PDCD11: variants seen among roughly 807,000 people sequenced by gnomAD.
The protein encoded by PDCD11 is protein RRP5 homolog.
In PDCD11, 97 loss-of-function variants were observed where a neutral mutation model predicts 198.9. That is an observed-to-expected ratio of 0.49 (90% CI 0.41 to 0.58). The LOEUF (loss-of-function observed/expected upper bound fraction) is 0.58. PDCD11 is among the 20% of genes least tolerant of loss of function. The probability of loss-of-function intolerance (pLI) is 0.00; values close to 1 mark genes in which losing one functional copy is unlikely to be tolerated. For synonymous variants in PDCD11, 893 were observed against 918.0 expected, an observed-to-expected ratio of 0.97 and a Z score of 0.49; for missense variants, 2,102 against 2,312.7, an observed-to-expected ratio of 0.91 and a Z score of 1.87.
intron 15 of PDCD11, 108 bp from the exon 16 acceptor site, chr10:103,419,430 C>T: frequency 6.7e-6 from 8 of 1,202,830 alleles, no homozygotes; most frequent in Non-Finnish European, 9.4e-6. Context: ...ATCGCTGTAG[C>T]AGCAGAGATC....
chr10:103,417,947 C>G lies in PDCD11; in HGVS notation c.1911+15C>G. ...ACATTGGGCAGGTACGTGGACTTCT[C>G]TGGACAAGCTATTTTATGTTACAGT... is the stretch of plus-strand genomic sequence containing the variant. On this transcript the variant is annotated intron_variant, in intron 14 of 35. Transcript: ENST00000369797. The G allele has an allele frequency of 6.2e-7, 1 of 1,613,446 alleles. No individual in the cohort carries two copies.
At chr10:103,440,980 G>C in intron 30 of PDCD11, 130 bp downstream of exon 30, 1 of 639,396 alleles carries the variant, frequency 1.6e-6, no homozygotes, top group Non-Finnish European at 2.7e-6. Flanking sequence ...TGCCTCCATT[G>C]ACCGTCAGCT....
At position 103,434,735 on chromosome 10, in the gene PDCD11, G is replaced by A. The variant is rs1394006282; in HGVS notation, c.3668-63G>A. On this transcript the variant is annotated intron_variant, in intron 24 of 35. Coordinates refer to ENST00000369797, the MANE Select transcript of PDCD11 (RefSeq NM_014976.2). ...CACCTTCCCCAGCCTGTGTGTGGCT[G>A]GCATTCCCGCTCCTCCCTTAGCTCA... 1.5e-5 allele frequency: 21 copies of A among 1,407,092 alleles called. 1 individual carries two copies. Among genetic ancestry groups the A allele is most frequent in the Non-Finnish European group, 1.7e-5 (18 of 1,031,068 alleles). The allele number at this position is 1,407,092 out of a possible 1,614,324, so 87.2% of individuals were successfully genotyped here.
At chr10:103,429,802 C>T (rs1470012858) in intron 21 of PDCD11, among the ~76,000 whole-genome samples, 2 of 152,194 alleles carry the variant, frequency 1.3e-5, no homozygotes, top group East Asian at 3.9e-4. Flanking sequence ...TCTGCTTCTC[C>T]CTCTCTTCCG....
At position 103,415,285 on chromosome 10, in the gene PDCD11, G is replaced by A. The variant is rs115428071; in HGVS notation, c.1518+134G>A. 6.8e-4 allele frequency: 580 copies of A among 855,908 alleles called. 2 individuals carry two copies. In the African/African-American group the frequency reaches 9.1e-3, roughly 13 times the overall value. 53.0% of individuals were successfully genotyped at this position (855,908 alleles called of 1,614,324 possible). Reference sequence around the variant, plus strand: ...TGTCTTGTGCTGTACCTGGCATTGGGAAGAGAAAAGTGAGTCCCCGTTTTG... The same window carrying A: ...TGTCTTGTGCTGTACCTGGCATTGGAAAGAGAAAAGTGAGTCCCCGTTTTG... On this transcript the variant is annotated intron_variant, in intron 12 of 35. Coordinates refer to ENST00000369797, the MANE Select transcript of PDCD11 (RefSeq NM_014976.2).
intron 21 of PDCD11, 71 bp downstream of exon 21, chr10:103,427,462 G>A (rs192797997): frequency 9.6e-6 from 12 of 1,250,292 alleles, no homozygotes; most frequent in East Asian, 4.8e-5. Flanking sequence ...TCCCGAATTC[G>A]AATCTTGATT....
At chr10:103,418,720 A>G (rs1003977048) in intron 15 of PDCD11, 86 bp downstream of exon 15, 9 of 1,107,354 alleles carry the variant, frequency 8.1e-6, no homozygotes, top group Non-Finnish European at 1.2e-5. Flanking sequence ...TTAGACAGCT[A>G]TTTGACCTCA....
intron 12 of PDCD11, among the ~76,000 whole-genome samples, chr10:103,416,069 A>G (rs899966805): frequency 1.3e-5 from 2 of 152,204 alleles, no homozygotes; most frequent in African/African-American, 4.8e-5. Context: ...TGAAGGGGTG[A>G]AAGACAGTTG....
rs752954930 is a variant in PDCD11, at chr10:103,423,562, G to A, written c.2667G>A (p.Gly889=). The part of the protein sequence containing the change: ...YHRAGQEVES[G]QKKKVVILNV... ...CTGCAGGGCAGGAGGTGGAATCTGG[G>A]CAGAAAAAGAAGGTTGTTATCTTAA... Residue 889 remains glycine, a synonymous_variant, in exon 19 of 36, where the codon GGG becomes GGA. Coordinates refer to ENST00000369797, the MANE Select transcript of PDCD11 (RefSeq NM_014976.2). 6 of 1,613,704 alleles carry A rather than the reference G, an allele frequency of 3.7e-6. No homozygotes were observed. Among genetic ancestry groups the A allele is most frequent in the South Asian group, 1.1e-5 (1 of 91,066 alleles).
chr10:103,400,540 T>A lies in PDCD11; in HGVS notation c.234+12T>A, dbSNP rs1348878739. 1.9e-6 allele frequency: 3 copies of A among 1,606,462 alleles called. No homozygotes were observed. Among genetic ancestry groups the A allele is most frequent in the Non-Finnish European group, 2.5e-6 (3 of 1,177,216 alleles). On this transcript the variant is annotated intron_variant, in intron 3 of 35. Coordinates refer to ENST00000369797, the MANE Select transcript of PDCD11 (RefSeq NM_014976.2). ...TCCTTAGTGTTGAGGTTTGTTAAAG[T>A]TGGTTTTCATTTAAACAATCGACCT...
rs746798532 is a variant in PDCD11 at position 103,442,353 on chromosome 10, C to T, written c.4848C>T (p.Pro1616=). 1.2e-6 allele frequency: 2 copies of T among 1,614,236 alleles called. No individual in the cohort carries two copies. The highest frequency in any genetic ancestry group is 4.5e-5 in the East Asian group (2 of 44,892). ...TTGACCGACTGGTGCTGAGCTCCCC[C>T]AACAGCTCCATTCTGTGGCTGCAGT... ...DDFDRLVLSS[P]NSSILWLQYM... The change falls in exon 32 of 36, where the codon CCC becomes CCT. Residue 1616 remains proline (P), a synonymous_variant. Coordinates refer to ENST00000369797, the MANE Select transcript of PDCD11 (RefSeq NM_014976.2).
intron 20 of PDCD11, among the ~76,000 whole-genome samples, chr10:103,426,865 G>A (rs1195746082): frequency 6.6e-6 from 1 of 151,742 alleles, no homozygotes; most frequent in East Asian, 1.9e-4. Context: ...GATGAGGGAG[G>A]TGGAAAACCT....
chr10:103,422,360 C>T (rs188283570), intron 17 of PDCD11, among the ~76,000 whole-genome samples: 130 of 151,686 alleles, frequency 8.6e-4, no homozygotes, highest in African/African-American at 3.1e-3. Flanking sequence ...GGATTACAGG[C>T]GTGAGCCACT....
At chr10:103,405,833 G>T in intron 5 of PDCD11, 152 bp from the exon 6 acceptor site, 1 of 760,750 alleles carries the variant, frequency 1.3e-6, no homozygotes. Flanking sequence ...TTTGATGTCT[G>T]CTGTCTAGTG....
Position 103,409,778 on chromosome 10 carries a change from A to C in PDCD11, c.950A>C (p.Lys317Thr), listed in dbSNP as rs1246166443. 1.9e-6 allele frequency: 3 copies of C among 1,613,814 alleles called. No homozygotes were observed. The East Asian group carries it at 6.7e-5, about 36-fold the overall frequency. ...VVDFMHLDPK[K>T]AGTYFSNQAV... Reference sequence around the variant, plus strand: ...GACTTTATGCACCTGGATCCCAAGAAAGCTGGAACATATTTCTCAAATCAG... The same window carrying C: ...GACTTTATGCACCTGGATCCCAAGACAGCTGGAACATATTTCTCAAATCAG... The change falls in exon 8 of 36, where the codon AAA becomes ACA. Residue 317 changes from lysine to threonine, a missense_variant. Lys to Thr is a moderately conservative substitution (Grantham distance 78, BLOSUM62 -1). Coordinates refer to ENST00000369797, the MANE Select transcript of PDCD11 (RefSeq NM_014976.2).
intron 3 of PDCD11, among the ~76,000 whole-genome samples, chr10:103,401,812 T>G (rs1017801359): frequency 6.6e-6 from 1 of 150,626 alleles, no homozygotes; most frequent in Non-Finnish European, 1.5e-5. Context: ...ATCTCTGCTC[T>G]GCTCACTGCA....
chr10:103,425,833 C>T (rs1381847526), intron 20 of PDCD11, among the ~76,000 whole-genome samples: 1 of 152,162 alleles, frequency 6.6e-6, no homozygotes, highest in East Asian at 1.9e-4. Flanking sequence ...GCACCCACCA[C>T]CACGCCCGGC....
At chr10:103,402,442 A>AT (rs1185801251) in intron 3 of PDCD11, among the ~76,000 whole-genome samples, 3 of 151,756 alleles carry the variant, frequency 2.0e-5, no homozygotes, top group South Asian at 2.1e-4. Context: ...ATTTATTTTT[A>AT]TTTTTTTATT....
intron 12 of PDCD11, among the ~76,000 whole-genome samples, chr10:103,416,022 TA>T (rs2031088438): frequency 6.6e-6 from 1 of 152,202 alleles, no homozygotes; most frequent in South Asian, 2.1e-4. Context: ...GATCAAGGGT[TA>T]AAAATACTTT....
Sources: allele counts gnomAD v4.1 joint callset (sites outside exome capture counted in the v4.1 genomes callset), GRCh38; gene constraint gnomAD v4.1.1; transcripts MANE v1.5; gene names NCBI Gene and HGNC (gene_info 2026-07-23, HGNC 2026-07-21).